The following LUC7L variants were observed in gnomAD, a reference collection of about 807,000 sequenced individuals.
LUC7L encodes the protein putative RNA-binding protein Luc7-like 1.
LUC7L carries 29 observed loss-of-function variants against 51.1 expected under a neutral mutation model. That is an observed-to-expected ratio of 0.57 (90% CI 0.42 to 0.77). The LOEUF (loss-of-function observed/expected upper bound fraction) is 0.77. Ranked by LOEUF, LUC7L falls within the 30% of genes least tolerant of loss-of-function variation. LUC7L has a pLI of 0.00. For missense variants in LUC7L, 403 were observed against 511.9 expected (o/e 0.79, Z 2.05); for synonymous variants, 181 against 180.7 (o/e 1.00, Z -0.01).
At chr16:204,088 G>A (rs2049410275) in intron 5 of LUC7L, among the ~76,000 whole-genome samples, 1 of 152,022 alleles carries the variant, frequency 6.6e-6, no homozygotes, top group South Asian at 2.1e-4. Flanking sequence ...GAAATATTTA[G>A]GTAGAAATCT....
At chr16:197,937 T>C (rs2049201399) in intron 6 of LUC7L, among the ~76,000 whole-genome samples, 1 of 152,082 alleles carries the variant, frequency 6.6e-6, no homozygotes, top group African/African-American at 2.4e-5. Flanking sequence ...GTAGTGGAAA[T>C]ACGTCCAACC....
chr16:207,470 T>G (rs563125401), intron 4 of LUC7L, among the ~76,000 whole-genome samples: 2 of 152,148 alleles, frequency 1.3e-5, no homozygotes, highest in Admixed American at 1.3e-4. Context: ...TGCCCCCACC[T>G]TGGTGTCCCA....
At chr16:203,769 C>T (rs915605690) in intron 5 of LUC7L, among the ~76,000 whole-genome samples, 8 of 152,000 alleles carry the variant, frequency 5.3e-5, no homozygotes, top group Middle Eastern at 3.4e-3. Context: ...GTAATCCCAG[C>T]ACTTTGAGAG....
chr16:198,463 G>A (rs1397997192), intron 6 of LUC7L, among the ~76,000 whole-genome samples: 2 of 151,978 alleles, frequency 1.3e-5, no homozygotes, highest in African/African-American at 4.8e-5. Context: ...TGACCAACCA[G>A]AGATTCTTTC....
At chr16:226,748 C>T (rs1441025037) in intron 2 of LUC7L, among the ~76,000 whole-genome samples, 1 of 152,214 alleles carries the variant, frequency 6.6e-6, no homozygotes, top group Non-Finnish European at 1.5e-5. Flanking sequence ...AATTAGAATA[C>T]TTGCCCTATT....
intron 5 of LUC7L, among the ~76,000 whole-genome samples, chr16:203,964 C>A (rs916465488): frequency 2.6e-5 from 4 of 151,510 alleles, no homozygotes; most frequent in Non-Finnish European, 5.9e-5. Flanking sequence ...TGCAGTGAGC[C>A]GAGATCACGC....
intron 6 of LUC7L, among the ~76,000 whole-genome samples, chr16:193,602 T>C (rs955384352): frequency 1.3e-5 from 2 of 151,820 alleles, no homozygotes; most frequent in African/African-American, 2.4e-5. Flanking sequence ...GTTCAAGCGA[T>C]TCTTCTGCCT....
chr16:202,761 G>A lies in LUC7L; in HGVS notation c.510+3243C>T, dbSNP rs185648979. Among the ~76,000 whole-genome samples the A allele has an allele frequency of 3.9e-5, 6 of 152,240 alleles. No individual in the cohort carries two copies. The South Asian group carries it at 1.0e-3, about 26-fold the overall frequency. Reference sequence around the variant, plus strand: ...GAAATGAAAGACAGGACATCATTACGGATCCACCCACTTTAAAGGAATAAT... The same window carrying A: ...GAAATGAAAGACAGGACATCATTACAGATCCACCCACTTTAAAGGAATAAT... On this transcript the variant is annotated intron_variant, in intron 5 of 9. Transcript: ENST00000293872.
chr16:209,578 G>C (rs912635560), intron 3 of LUC7L: 14 of 151,850 alleles, frequency 9.2e-5, no homozygotes, highest in African/African-American at 3.4e-4. Context: ...CCATGAGTCA[G>C]CTTGCTAATG....
intron 1 of LUC7L, chr16:228,615 A>G: frequency 8.4e-7 from 1 of 1,187,620 alleles, no homozygotes; most frequent in Non-Finnish European, 1.1e-6. Flanking sequence ...AAACCACAGC[A>G]GGTATATAGT....
At chr16:224,297 T>C (rs1229329818) in intron 2 of LUC7L, among the ~76,000 whole-genome samples, 1 of 150,520 alleles carries the variant, frequency 6.6e-6, no homozygotes, top group Non-Finnish European at 1.5e-5. Context: ...GGAGGGCGGA[T>C]CACCTTAGGT....
At chr16:201,942 C>T (rs531763793) in intron 5 of LUC7L, among the ~76,000 whole-genome samples, 310 of 152,102 alleles carry the variant, frequency 2.0e-3, no homozygotes, top group African/African-American at 6.5e-3. Context: ...TGGGGTTTCA[C>T]CAAGTTGGCC....
At chr16:190,977 C>A (rs542423405) in intron 7 of LUC7L, among the ~76,000 whole-genome samples, 1 of 152,176 alleles carries the variant, frequency 6.6e-6, no homozygotes, top group East Asian at 1.9e-4. Flanking sequence ...GGCACCTCCC[C>A]CAAAGACCTG....
In LUC7L at chr16:227,181, G is replaced by A. The variant is rs559904520; in HGVS notation, c.156+61C>T. 87 of 1,352,118 alleles carry A rather than the reference G, an allele frequency of 6.4e-5. 1 individual carries two copies. In the South Asian group the frequency reaches 7.0e-4, roughly 11 times the overall value. The allele number at this position is 1,352,118 out of a possible 1,614,324, so 83.8% of individuals were successfully genotyped here. A position where few individuals can be genotyped will look rare whatever the true frequency, so the allele number is the denominator to read the frequency against. On this transcript the variant is annotated intron_variant, in intron 2 of 9. Transcript: ENST00000293872. ...AAACAAAATTCAACATAGAAAAACCGTCACTGCCTATACAGCACTCATGTC... is the reference window on the plus strand; with the variant it reads ...AAACAAAATTCAACATAGAAAAACCATCACTGCCTATACAGCACTCATGTC...
intron 2 of LUC7L, among the ~76,000 whole-genome samples, chr16:223,822 A>T (rs1048727547): frequency 1.3e-5 from 2 of 151,882 alleles, no homozygotes; most frequent in Non-Finnish European, 2.9e-5. Context: ...GGGGCACGCC[A>T]CCACGCCCGG....
At chr16:222,887 C>T (rs1454726699) in intron 2 of LUC7L, among the ~76,000 whole-genome samples, 3 of 148,048 alleles carry the variant, frequency 2.0e-5, no homozygotes, top group African/African-American at 7.5e-5. Flanking sequence ...ACCTTGGCCT[C>T]TCAAAGTGCT....
rs1449584871 is a variant in LUC7L at position 228,259 on chromosome 16, C to T, written c.62-923G>A. The T allele has an allele frequency of 1.2e-5, 15 of 1,297,992 alleles. No individual in the cohort carries two copies. The Admixed American group carries it at 1.9e-4, about 16-fold the overall frequency. 80.4% of individuals were successfully genotyped at this position (1,297,992 alleles called of 1,614,324 possible). ...TTGAAAATGTTTTCTTTCTAAACTACACTTTTAAAGTTACTTGTGAAAAAA... is the reference window on the plus strand; with the variant it reads ...TTGAAAATGTTTTCTTTCTAAACTATACTTTTAAAGTTACTTGTGAAAAAA... On this transcript the variant is annotated intron_variant, in intron 1 of 9. Coordinates refer to ENST00000293872, the MANE Select transcript of LUC7L (RefSeq NM_201412.3).
intron 7 of LUC7L, among the ~76,000 whole-genome samples, chr16:192,580 TG>T (rs1401811276): frequency 6.8e-6 from 1 of 147,166 alleles, no homozygotes; most frequent in Non-Finnish European, 1.5e-5. Context: ...CTCGGCTCAC[TG>T]CAACCTCTGC....
At chr16:198,789 C>T (rs2049235803) in intron 6 of LUC7L, among the ~76,000 whole-genome samples, 1 of 151,892 alleles carries the variant, frequency 6.6e-6, no homozygotes. Flanking sequence ...TGGGTTTAAG[C>T]AATTCTTCTG....
Sources: gnomAD v4.1 joint callset for allele counts (sites outside exome capture counted in the v4.1 genomes callset) on GRCh38, gnomAD v4.1.1 for gene constraint, MANE v1.5 for transcripts, NCBI Gene and HGNC (gene_info 2026-07-23, HGNC 2026-07-21) for gene names.